The following PDE4D variants were observed in gnomAD, a reference collection of about 807,000 sequenced individuals.
PDE4D encodes phosphodiesterase 4D.
In PDE4D, 24 loss-of-function variants were observed where a neutral mutation model predicts 87.4. The observed-to-expected ratio is 0.27, with a 90% CI of 0.20 to 0.39. PDE4D has a LOEUF of 0.39. Among genes scored for constraint, PDE4D ranks in the 10% least tolerant of loss-of-function variants. PDE4D has a pLI of 1.00. For missense variants in PDE4D, 714 were observed against 1,041.0 expected, an observed-to-expected ratio of 0.69 and a Z score of 4.32; for synonymous variants, 384 against 383.2, an observed-to-expected ratio of 1.00 and a Z score of -0.02.
At chr5:60,049,169 G>T (rs536669017) in intron 2 of PDE4D, among the ~76,000 whole-genome samples, 1 of 152,060 alleles carries the variant, frequency 6.6e-6, no homozygotes, top group Non-Finnish European at 1.5e-5. Flanking sequence ...AGCTCCTGAG[G>T]CTTCTGCATT....
intron 2 of PDE4D, among the ~76,000 whole-genome samples, chr5:59,196,887 T>C (rs1745571118): frequency 6.6e-6 from 1 of 152,168 alleles, no homozygotes; most frequent in African/African-American, 2.4e-5. Flanking sequence ...GCCGACTTGA[T>C]TTGCCAGTCT....
intron 2 of PDE4D, among the ~76,000 whole-genome samples, chr5:60,044,112 C>T (rs1768868562): frequency 6.6e-6 from 1 of 151,770 alleles, no homozygotes; most frequent in African/African-American, 2.4e-5. Context: ...TTATACTCAA[C>T]AATAATTTAT....
At chr5:60,404,423 ACT>A (rs1292394685) in intron 1 of PDE4D, among the ~76,000 whole-genome samples, 1 of 152,044 alleles carries the variant, frequency 6.6e-6, no homozygotes, top group African/African-American at 2.4e-5. Flanking sequence ...GACTACAAAA[ACT>A]CTCTGATGTC....
intron 1 of PDE4D, among the ~76,000 whole-genome samples, chr5:59,612,129 A>G (rs1407928499): frequency 6.6e-6 from 1 of 152,182 alleles, no homozygotes; most frequent in East Asian, 1.9e-4. Context: ...CTTTGGTTTG[A>G]TATCAGCTAT....
chr5:59,661,794 G>T (rs1444642663), intron 1 of PDE4D, among the ~76,000 whole-genome samples: 2 of 152,210 alleles, frequency 1.3e-5, no homozygotes, highest in Non-Finnish European at 2.9e-5. Context: ...ATTTCACACA[G>T]GAAAGAAAGT....
chr5:60,243,290 C>G (rs1174784344), intron 1 of PDE4D, among the ~76,000 whole-genome samples: 3 of 151,886 alleles, frequency 2.0e-5, no homozygotes, highest in Admixed American at 2.0e-4. Context: ...AAACCCTGAA[C>G]AGACCAATAA....
chr5:59,986,829 A>G (rs1486420332), intron 3 of PDE4D: 1 of 152,196 alleles, frequency 6.6e-6, no homozygotes, highest in African/African-American at 2.4e-5. Context: ...AGGGTACCTA[A>G]GTGACTGGCC....
intron 2 of PDE4D, among the ~76,000 whole-genome samples, chr5:60,080,680 A>C (rs1377639820): frequency 6.6e-6 from 1 of 152,154 alleles, no homozygotes. Flanking sequence ...CATGGATTAC[A>C]TGTATTGATT....
intron 1 of PDE4D, among the ~76,000 whole-genome samples, chr5:59,687,351 G>A (rs1419834216): frequency 6.6e-6 from 1 of 152,102 alleles, no homozygotes; most frequent in African/African-American, 2.4e-5. Context: ...ACCCACAAAG[G>A]GAAGCCCATC....
chr5:59,711,938 A>T (rs1754257782), intron 1 of PDE4D, among the ~76,000 whole-genome samples: 1 of 151,980 alleles, frequency 6.6e-6, no homozygotes, highest in Non-Finnish European at 1.5e-5. Flanking sequence ...TTATCCATTC[A>T]CTCTTTCATT....
At chr5:59,532,980 T>C (rs1032579806) in intron 1 of PDE4D, among the ~76,000 whole-genome samples, 4 of 152,210 alleles carry the variant, frequency 2.6e-5, no homozygotes, top group Non-Finnish European at 5.9e-5. Flanking sequence ...GAGTTTATCA[T>C]TCTCAGCTAC....
chr5:59,824,427 G>A (rs1278414378), intron 1 of PDE4D, among the ~76,000 whole-genome samples: 2 of 152,136 alleles, frequency 1.3e-5, no homozygotes. Context: ...GACCTTTCCG[G>A]TCTTGTTCAC....
intron 1 of PDE4D, among the ~76,000 whole-genome samples, chr5:60,225,184 T>C (rs1166604398): frequency 6.6e-6 from 1 of 152,036 alleles, no homozygotes; most frequent in Non-Finnish European, 1.5e-5. Flanking sequence ...ATTTACTTCA[T>C]TTTCATCTTC....
At chr5:59,950,310 G>T (rs566711566) in intron 3 of PDE4D, among the ~76,000 whole-genome samples, 10 of 152,170 alleles carry the variant, frequency 6.6e-5, no homozygotes, top group African/African-American at 1.9e-4. Flanking sequence ...TTGAGGGAAG[G>T]CCAGATAAAA....
intron 1 of PDE4D, among the ~76,000 whole-genome samples, chr5:59,821,441 A>G (rs1769657456): frequency 6.7e-6 from 1 of 150,176 alleles, no homozygotes; most frequent in Non-Finnish European, 1.5e-5. Flanking sequence ...CCATTTACAC[A>G]CTTACATTGA....
intron 1 of PDE4D, among the ~76,000 whole-genome samples, chr5:60,227,034 G>C (rs1227436165): frequency 2.0e-5 from 3 of 151,994 alleles, no homozygotes; most frequent in African/African-American, 7.2e-5. Flanking sequence ...TTTTTTGACA[G>C]AGGGAAAAAT....
chr5:60,059,584 G>A (rs894687856), intron 2 of PDE4D, among the ~76,000 whole-genome samples: 1 of 151,856 alleles, frequency 6.6e-6, no homozygotes, highest in Non-Finnish European at 1.5e-5. Context: ...TATCTAGAAG[G>A]GATATAAATA....
At chr5:59,973,712 G>T (rs1431810147) in intron 3 of PDE4D, among the ~76,000 whole-genome samples, 1 of 151,988 alleles carries the variant, frequency 6.6e-6, no homozygotes, top group Non-Finnish European at 1.5e-5. Flanking sequence ...ACAAATGAAG[G>T]CTCCTCTGCT....
chr5:60,270,165 T>G (rs917252471), intron 1 of PDE4D, among the ~76,000 whole-genome samples: 1 of 152,126 alleles, frequency 6.6e-6, no homozygotes, highest in Non-Finnish European at 1.5e-5. Flanking sequence ...GATAGGAAGG[T>G]GAAGAGTCAT....
Sources: allele counts gnomAD v4.1 joint callset (sites outside exome capture counted in the v4.1 genomes callset), GRCh38; gene constraint gnomAD v4.1.1; transcripts MANE v1.5; gene names NCBI Gene and HGNC (gene_info 2026-07-23, HGNC 2026-07-21).